Variants in PSD3 observed in about 807,000 individuals in gnomAD.
The protein encoded by PSD3 is PH and SEC7 domain-containing protein 3.
Under a neutral mutation model 105.5 loss-of-function variants are expected in PSD3, and 49 were observed. The observed-to-expected ratio is 0.46, with a 90% CI of 0.37 to 0.59. PSD3 has a LOEUF of 0.59. Among genes scored for constraint, PSD3 ranks in the 20% least tolerant of loss-of-function variants. The pLI, the probability that PSD3 is intolerant of heterozygous loss-of-function variation, is 0.00. For missense variants in PSD3, 1,561 were observed against 1,263.8 expected (o/e 1.24, Z -3.57); for synonymous variants, 557 against 457.8 (o/e 1.22, Z -2.77).
At chr8:18,921,062 TCA>T (rs1820980584) in intron 2 of PSD3, among the ~76,000 whole-genome samples, 1 of 152,246 alleles carries the variant, frequency 6.6e-6, no homozygotes, top group Non-Finnish European at 1.5e-5. Context: ...AATGACAGTT[TCA>T]CAGATATGAG....
chr8:18,913,742 T>A (rs77144740), intron 2 of PSD3, among the ~76,000 whole-genome samples: 2,336 of 152,078 alleles, frequency 0.015, 58 homozygotes, highest in East Asian at 0.095. Context: ...GGACTCAGGA[T>A]CCAGGACTGC....
At chr8:18,651,025 A>G (rs1808432572) in intron 10 of PSD3, among the ~76,000 whole-genome samples, 1 of 152,190 alleles carries the variant, frequency 6.6e-6, no homozygotes, top group Non-Finnish European at 1.5e-5. Flanking sequence ...AGTAACAACA[A>G]TGGACTACGT....
intron 12 of PSD3, among the ~76,000 whole-genome samples, chr8:18,584,240 A>G (rs942200622): frequency 7.2e-5 from 11 of 152,130 alleles, no homozygotes; most frequent in African/African-American, 2.4e-4. Context: ...GAAAGGGCAA[A>G]GCCATCATTC....
intron 4 of PSD3, among the ~76,000 whole-genome samples, chr8:18,824,956 T>C (rs972422771): frequency 6.6e-6 from 1 of 152,148 alleles, no homozygotes; most frequent in African/African-American, 2.4e-5. Context: ...AAAACCCTAG[T>C]GTGCTCTAGG....
intron 9 of PSD3, among the ~76,000 whole-genome samples, chr8:18,697,012 G>A (rs761583390): frequency 1.4e-5 from 1 of 72,288 alleles, no homozygotes; most frequent in Non-Finnish European, 3.1e-5. Flanking sequence ...CGGGGACAAC[G>A]TGGGAGGATC....
At position 18,743,296 on chromosome 8, in the gene PSD3, T is replaced by C. The variant is rs561410315; in HGVS notation, c.2172+22153A>G. Among the ~76,000 whole-genome samples the C allele has an allele frequency of 2.0e-5, 3 of 152,244 alleles. No individual in the cohort carries two copies. In the South Asian group the frequency reaches 6.2e-4, roughly 32 times the overall value. On this transcript the variant is annotated intron_variant, in intron 9 of 15. Transcript: ENST00000327040. ...AACATACTCCTACAGCTTCTTTTCA[T>C]AGAGGAGCGGGGAGATAGCGAATGC...
chr8:18,633,882 T>C (rs368939413), intron 10 of PSD3, among the ~76,000 whole-genome samples: 13 of 152,162 alleles, frequency 8.5e-5, no homozygotes, highest in African/African-American at 2.9e-4. Context: ...TTCCCACCAA[T>C]GATGTATAAG....
intron 1 of PSD3, among the ~76,000 whole-genome samples, chr8:19,044,504 T>G (rs1446122337): frequency 6.6e-6 from 1 of 152,230 alleles, no homozygotes; most frequent in Non-Finnish European, 1.5e-5. Flanking sequence ...TTGAATAGAT[T>G]AAATAATATT....
intron 12 of PSD3, among the ~76,000 whole-genome samples, chr8:18,578,561 A>T (rs931568873): frequency 6.6e-5 from 10 of 152,202 alleles, no homozygotes; most frequent in African/African-American, 2.4e-4. Flanking sequence ...AATGTCTAAC[A>T]AACTGCTACA....
chr8:18,651,781 T>C (rs1456117143), intron 10 of PSD3, among the ~76,000 whole-genome samples: 1 of 152,290 alleles, frequency 6.6e-6, no homozygotes, highest in Non-Finnish European at 1.5e-5. Context: ...TGAAGGATGA[T>C]AGGCTTTGAA....
intron 1 of PSD3, among the ~76,000 whole-genome samples, chr8:19,053,124 C>T (rs1828588708): frequency 2.0e-5 from 3 of 152,096 alleles, no homozygotes; most frequent in Non-Finnish European, 4.4e-5. Flanking sequence ...GCTTTCACCA[C>T]AGTGGTTCAC....
At chr8:18,583,923 T>A (rs188415324) in intron 12 of PSD3, among the ~76,000 whole-genome samples, 45 of 152,324 alleles carry the variant, frequency 3.0e-4, no homozygotes, top group African/African-American at 1.0e-3. Flanking sequence ...GCACTCATTA[T>A]TGACTTGCTT....
In PSD3 at chr8:18,541,249, T is replaced by C. The variant is rs916228580; in HGVS notation, c.2929-5291A>G. ...TAAGGACTTTGCGTTTGTTTACTAATATATCCCCAGGGCCAAGAACACACA... is the reference window on the plus strand; with the variant it reads ...TAAGGACTTTGCGTTTGTTTACTAACATATCCCCAGGGCCAAGAACACACA... On this transcript the variant is annotated intron_variant, in intron 15 of 15. Transcript: ENST00000327040. Among the ~76,000 whole-genome samples, 8 of 150,168 alleles carry C rather than the reference T, an allele frequency of 5.3e-5. No individual in the cohort carries two copies. The South Asian group carries it at 1.7e-3, about 32-fold the overall frequency.
At chr8:18,557,134 A>T (rs189108516) in intron 14 of PSD3, among the ~76,000 whole-genome samples, 26 of 152,338 alleles carry the variant, frequency 1.7e-4, no homozygotes, top group Admixed American at 1.5e-3. Context: ...TTCTGCCAGC[A>T]TTTTAAAAAC....
intron 4 of PSD3, among the ~76,000 whole-genome samples, chr8:18,815,764 T>C (rs967805561): frequency 7.2e-5 from 1 of 13,800 alleles, no homozygotes; most frequent in African/African-American, 1.6e-4. Context: ...GGTCTCACCT[T>C]GCACATAACT....
At chr8:19,052,951 A>G (rs1483460658) in intron 1 of PSD3, among the ~76,000 whole-genome samples, 1 of 152,160 alleles carries the variant, frequency 6.6e-6, no homozygotes. Context: ...ACTGACAATG[A>G]CAAATTCCCC....
chr8:18,907,931 C>T (rs138226407), intron 2 of PSD3, among the ~76,000 whole-genome samples: 2 of 152,172 alleles, frequency 1.3e-5, no homozygotes, highest in African/African-American at 2.4e-5. Flanking sequence ...CTTTTGCACT[C>T]GGCACACAAG....
chr8:18,981,954 A>T (rs139485194), intron 1 of PSD3, among the ~76,000 whole-genome samples: 1 of 152,214 alleles, frequency 6.6e-6, no homozygotes, highest in Non-Finnish European at 1.5e-5. Flanking sequence ...GAAGTTTGTC[A>T]CATCAATGGT....
intron 4 of PSD3, among the ~76,000 whole-genome samples, chr8:18,821,906 G>T (rs1563312765): frequency 8.6e-6 from 1 of 116,120 alleles, no homozygotes; most frequent in Non-Finnish European, 1.9e-5. Flanking sequence ...ACACACAAAT[G>T]GTTGCTTAGA....
Sources: allele counts gnomAD v4.1 joint callset (sites outside exome capture counted in the v4.1 genomes callset), GRCh38; gene constraint gnomAD v4.1.1; transcripts MANE v1.5; gene names NCBI Gene and HGNC (gene_info 2026-07-23, HGNC 2026-07-21).